The following OR2L2 variants were observed in gnomAD, a reference collection of about 807,000 sequenced individuals.
OR2L2 encodes the protein olfactory receptor family 2 subfamily L member 2.
For synonymous variants in OR2L2, 156 were observed against 135.4 expected (o/e 1.15, Z -1.06); for missense variants, 378 against 375.2 (o/e 1.01, Z -0.06).
In OR2L2 at chr1:248,039,079, A is replaced by G. The variant is rs1361979023; in HGVS notation, c.812A>G (p.Lys271Arg). The G allele has an allele frequency of 3.7e-6, 6 of 1,614,014 alleles. No homozygotes were observed. The highest frequency in any genetic ancestry group is 5.1e-6 in the Non-Finnish European group (6 of 1,180,016). ...PRSLRSPTED[K>R]ILAVFYTILT... ...TCCCTGCGATCTCCAACAGAGGACA[A>G]GATTCTGGCTGTTTTCTACACCATC... The change falls in exon 3 of 3, where the codon AAG (lysine) becomes AGG (arginine). Residue 271 changes from lysine (K) to arginine (R), a missense_variant. Transcript: ENST00000641771.
At chr1:248,034,344 G>A (rs1662698232) in intron 1 of OR2L2, among the ~76,000 whole-genome samples, 2 of 152,040 alleles carry the variant, frequency 1.3e-5, no homozygotes, top group Admixed American at 1.3e-4. Context: ...GCCAAAGCAA[G>A]ACTAAGTGAA....
At position 248,038,348 on chromosome 1, in the gene OR2L2, C is replaced by A; in HGVS notation, c.81C>A (p.Phe27Leu). ...FPQSRIGLFV[F>L]TLIFLIFLMA... ...AATCAAGAATTGGCCTTTTCGTATT[C>A]ACCCTCATTTTTCTCATTTTCCTAA... Residue 27 changes from phenylalanine (F) to leucine (L), a missense_variant, in exon 3 of 3, where the codon TTC becomes TTA. Coordinates refer to ENST00000641771, the MANE Select transcript of OR2L2 (RefSeq NM_001385855.1). 1 of 1,613,242 alleles carries A rather than the reference C, an allele frequency of 6.2e-7. No individual in the cohort carries two copies. The highest frequency in any genetic ancestry group is 8.5e-7 in the Non-Finnish European group (1 of 1,179,380).
Position 248,038,278 on chromosome 1 carries a change from A to G in OR2L2, c.11A>G (p.Tyr4Cys). The G allele has an allele frequency of 5.6e-6, 9 of 1,605,884 alleles. No individual in the cohort carries two copies. The highest frequency in any genetic ancestry group is 7.7e-6 in the Non-Finnish European group (9 of 1,174,688). ...TTGTAGGAATTCCCCATGGAAAATT[A>G]CAATCAAACATCAACTGATTTCATC... MEN[Y>C]NQTSTDFILL... The change falls in exon 3 of 3, where the codon TAC (tyrosine) becomes TGC (cysteine). Residue 4 changes from tyrosine (Y) to cysteine (C), a missense_variant. Physicochemically the swap from Tyr to Cys is radical, Grantham distance 194 (BLOSUM62 -2). Coordinates refer to ENST00000641771, the MANE Select transcript of OR2L2 (RefSeq NM_001385855.1).
intron 1 of OR2L2, among the ~76,000 whole-genome samples, chr1:248,034,915 C>T (rs1439761612): frequency 6.6e-6 from 1 of 152,168 alleles, no homozygotes; most frequent in Non-Finnish European, 1.5e-5. Flanking sequence ...TGCAATTTTG[C>T]TTATTGTGTT....
chr1:248,036,063 CACTT>C (rs780053221), intron 2 of OR2L2, among the ~76,000 whole-genome samples: 8 of 152,022 alleles, frequency 5.3e-5, no homozygotes, highest in African/African-American at 1.2e-4. Context: ...AAATATTTCT[CACTT>C]ACTTTGTGAT....
chr1:248,033,934 C>T (rs946033129), intron 1 of OR2L2, among the ~76,000 whole-genome samples: 1 of 152,120 alleles, frequency 6.6e-6, no homozygotes, highest in African/African-American at 2.4e-5. Context: ...AAGAGGAAGC[C>T]AAACTGTCCC....
At position 248,040,376 on chromosome 1, in the gene OR2L2, A is replaced by G. The variant is rs1662917288; in HGVS notation, c.*1170A>G. On this transcript the variant is annotated 3_prime_UTR_variant, in exon 3 of 3. Transcript: ENST00000641771. The stretch of plus-strand genomic sequence containing the variant: ...GAGCAAGTAAGAAGAGCCTCATATT[A>G]TCCAAGTGACAGCAGTGGTGAATGA... 6.6e-6 allele frequency: 1 copy of G among 152,238 alleles called. No homozygotes were observed. Among genetic ancestry groups the G allele is most frequent in the Admixed American group, 6.5e-5 (1 of 15,282 alleles). The allele number at this position is 152,238 out of a possible 1,614,324, so 9.4% of individuals were successfully genotyped here.
At position 248,038,708 on chromosome 1, in the gene OR2L2, T is replaced by C. The variant is rs768736355; in HGVS notation, c.441T>C (p.Ser147=). The C allele has an allele frequency of 1.2e-6, 2 of 1,614,176 alleles. No individual in the cohort carries two copies. Among genetic ancestry groups the C allele is most frequent in the Non-Finnish European group, 8.5e-7 (1 of 1,180,016 alleles). The change falls in exon 3 of 3, where the codon TCT becomes TCC. Residue 147 remains serine (S), a synonymous_variant. Transcript: ENST00000641771. ...KRVCVMMITG[S]WMISSINSCA... ...TGTGTGTGATGATGATAACAGGATC[T>C]TGGATGATAAGCTCTATCAACTCTT...
chr1:248,036,428 A>C (rs73141392), intron 2 of OR2L2, among the ~76,000 whole-genome samples: 3,171 of 152,284 alleles, frequency 0.021, 118 homozygotes, highest in African/African-American at 0.072. Flanking sequence ...TCATTCCTGA[A>C]AATAGGAATT....
chr1:248,034,183 T>TACC (rs1197070916), intron 1 of OR2L2, among the ~76,000 whole-genome samples: 4 of 152,308 alleles, frequency 2.6e-5, no homozygotes, highest in African/African-American at 9.6e-5. Flanking sequence ...TGGAAACACG[T>TACC]ACCATGCTCA....
rs1465726390 is a variant in OR2L2 at position 248,042,020 on chromosome 1, A to G, written c.*2814A>G. On this transcript the variant is annotated 3_prime_UTR_variant, in exon 3 of 3. Transcript: ENST00000641771. ...CCATTACTGGGTATATAACCAAAGG[A>G]CTATAAATCATGCTGCTATAAAGAC... The G allele has an allele frequency of 2.6e-5, 4 of 152,186 alleles. No homozygotes were observed. Among genetic ancestry groups the G allele is most frequent in the African/African-American group, 9.7e-5 (4 of 41,420 alleles). 9.4% of individuals were successfully genotyped at this position (152,186 alleles called of 1,614,324 possible).
rs1662933405 is a variant in OR2L2, at chr1:248,040,954, T to G, written c.*1748T>G. 6.6e-6 allele frequency: 1 copy of G among 152,222 alleles called. No homozygotes were observed. Among genetic ancestry groups the G allele is most frequent in the Admixed American group, 6.5e-5 (1 of 15,282 alleles). 9.4% of individuals were successfully genotyped at this position (152,222 alleles called of 1,614,324 possible). On this transcript the variant is annotated 3_prime_UTR_variant, in exon 3 of 3. Coordinates refer to ENST00000641771, the MANE Select transcript of OR2L2 (RefSeq NM_001385855.1). ...AAGCATTTAGAGTTTACTAGAGTAC[T>G]GAATAATTTAAATTTTGACTTATAG...
rs181154471 is a variant in OR2L2 at position 248,038,917 on chromosome 1, A to G, written c.650A>G (p.Tyr217Cys). The G allele has an allele frequency of 9.5e-5, 154 of 1,614,074 alleles. 1 individual carries two copies. In the South Asian group the frequency reaches 1.5e-3, roughly 16 times the overall value. The change falls in exon 3 of 3, where the codon TAT (tyrosine) becomes TGT (cysteine). Residue 217 changes from tyrosine to cysteine, a missense_variant. By Grantham distance (194) the Tyr-to-Cys change is radical (BLOSUM62 -2). Coordinates refer to ENST00000641771, the MANE Select transcript of OR2L2 (RefSeq NM_001385855.1). ...CCTTTCACTGGTATTGCATGTTCCT[A>G]TGGCCGGGTTCTCCTTGCTGTCTAC... ...VLPFTGIACS[Y>C]GRVLLAVYRM...
Position 248,038,346 on chromosome 1 carries a change from T to C in OR2L2, c.79T>C (p.Phe27Leu). 3 of 1,613,396 alleles carry C rather than the reference T, an allele frequency of 1.9e-6. No homozygotes were observed. In the South Asian group the frequency reaches 3.3e-5, roughly 18 times the overall value. ...ACAATCAAGAATTGGCCTTTTCGTA[T>C]TCACCCTCATTTTTCTCATTTTCCT... ...FPQSRIGLFV[F>L]TLIFLIFLMA... The change falls in exon 3 of 3, where the codon TTC becomes CTC. Residue 27 changes from phenylalanine (F) to leucine (L), a missense_variant. Phe to Leu is a conservative substitution (Grantham distance 22). Coordinates refer to ENST00000641771, the MANE Select transcript of OR2L2 (RefSeq NM_001385855.1).
At position 248,039,735 on chromosome 1, in the gene OR2L2, T is replaced by G. The variant is rs1662889714; in HGVS notation, c.*529T>G. ...TTACATAATAGTTGTTTATCTCCCA[T>G]TATTATAAAAATAAGACAAAAATAA... On this transcript the variant is annotated 3_prime_UTR_variant, in exon 3 of 3. Coordinates refer to ENST00000641771, the MANE Select transcript of OR2L2 (RefSeq NM_001385855.1). 1 of 152,186 alleles carries G rather than the reference T, an allele frequency of 6.6e-6. No individual in the cohort carries two copies. Among genetic ancestry groups the G allele is most frequent in the Non-Finnish European group, 1.5e-5 (1 of 68,044 alleles). The allele number at this position is 152,186 out of a possible 1,614,324, so 9.4% of individuals were successfully genotyped here. A position where few individuals can be genotyped will look rare whatever the true frequency, so the allele number is the denominator to read the frequency against.
chr1:248,035,824 A>G (rs927592992), intron 2 of OR2L2, among the ~76,000 whole-genome samples, 200 bp downstream of exon 2: 1 of 152,104 alleles, frequency 6.6e-6, no homozygotes, highest in Non-Finnish European at 1.5e-5. Context: ...TTCTGTCAAC[A>G]TAATTACATT....
rs1215620269 is a variant in OR2L2 at position 248,041,269 on chromosome 1, T to C, written c.*2063T>C. ...AACAAGCAATGGGGAAAGGATTCCCTATTTAATAAATGGTGCTGGGAAAAC... is the reference window on the plus strand; with the variant it reads ...AACAAGCAATGGGGAAAGGATTCCCCATTTAATAAATGGTGCTGGGAAAAC... On this transcript the variant is annotated 3_prime_UTR_variant, in exon 3 of 3. Transcript: ENST00000641771. 1.3e-5 allele frequency: 2 copies of C among 152,168 alleles called. No homozygotes were observed. The highest frequency in any genetic ancestry group is 4.8e-5 in the African/African-American group (2 of 41,432). 9.4% of individuals were successfully genotyped at this position (152,168 alleles called of 1,614,324 possible).
At chr1:248,030,838 GA>G (rs1394308109) in intron 1 of OR2L2, among the ~76,000 whole-genome samples, 1 of 152,140 alleles carries the variant, frequency 6.6e-6, no homozygotes, top group Non-Finnish European at 1.5e-5. Flanking sequence ...AGTGTGTGGA[GA>G]TAGTCAATAA....
chr1:248,038,629 G>A lies in OR2L2; in HGVS notation c.362G>A (p.Arg121His), dbSNP rs144606855. Residue 121 changes from arginine (R) to histidine (H), a missense_variant, in exon 3 of 3, where the codon CGT (arginine) becomes CAT (histidine). Transcript: ENST00000641771. ...GLLLTSMAYDRYVAICFPLHY... is the reference protein window; with the variant it reads ...GLLLTSMAYDHYVAICFPLHY... ...CTCCTGACATCAATGGCCTATGATC[G>A]TTATGTGGCCATTTGCTTTCCTCTC... The A allele has an allele frequency of 2.2e-3, 3,503 of 1,614,128 alleles. 67 individuals are homozygous for A. In the African/African-American group the frequency reaches 0.04, roughly 19 times the overall value.
Sources: gnomAD v4.1 joint callset for allele counts (sites outside exome capture counted in the v4.1 genomes callset) on GRCh38, gnomAD v4.1.1 for gene constraint, MANE v1.5 for transcripts, NCBI Gene and HGNC (gene_info 2026-07-23, HGNC 2026-07-21) for gene names.